Variants in TSHR observed in about 807,000 individuals in gnomAD.
TSHR encodes the protein thyrotropin receptor.
Under a neutral mutation model 64.1 loss-of-function variants are expected in TSHR, and 51 were observed. The observed-to-expected ratio is 0.80, with a 90% CI of 0.64 to 1.01. The LOEUF is 1.01. TSHR is among the 50% of genes least tolerant of loss of function. TSHR has a pLI of 0.00. For missense variants in TSHR, 877 were observed against 942.8 expected (o/e 0.93, Z 0.91); for synonymous variants, 361 against 361.9 (o/e 1.00, Z 0.03).
chr14:81,135,790 G>C (rs115045197), intron 8 of TSHR, among the ~76,000 whole-genome samples: 115 of 152,302 alleles, frequency 7.6e-4, no homozygotes, highest in African/African-American at 2.7e-3. Flanking sequence ...TAGATCCATA[G>C]AGAAGTACAG....
At chr14:81,114,627 G>A (rs760388239) in intron 8 of TSHR, among the ~76,000 whole-genome samples, 20 of 152,130 alleles carry the variant, frequency 1.3e-4, no homozygotes, top group African/African-American at 7.2e-5. Flanking sequence ...TTGCACAGGC[G>A]TGCTTAGGTA....
At chr14:81,133,134 C>T (rs1891318838) in intron 8 of TSHR, among the ~76,000 whole-genome samples, 1 of 152,138 alleles carries the variant, frequency 6.6e-6, no homozygotes. Flanking sequence ...GTGCTAAATA[C>T]AGTAGTGATT....
At chr14:81,030,702 T>C (rs145410056) in intron 1 of TSHR, among the ~76,000 whole-genome samples, 25 of 152,316 alleles carry the variant, frequency 1.6e-4, no homozygotes, top group African/African-American at 5.3e-4. Flanking sequence ...ACAGATGCAT[T>C]TGGACTTCTC....
chr14:80,981,410 C>A (rs1888163081), intron 1 of TSHR, among the ~76,000 whole-genome samples: 1 of 152,092 alleles, frequency 6.6e-6, no homozygotes, highest in African/African-American at 2.4e-5. Context: ...ATGGGGAAAG[C>A]AGTGGGAATC....
intron 1 of TSHR, among the ~76,000 whole-genome samples, chr14:80,960,613 G>A (rs112523801): frequency 1.3e-5 from 2 of 152,158 alleles, no homozygotes; most frequent in Non-Finnish European, 2.9e-5. Flanking sequence ...AGAATATATA[G>A]AGAGAGGGAA....
At chr14:81,127,200 G>T (rs1183265686) in intron 8 of TSHR, among the ~76,000 whole-genome samples, 1 of 152,144 alleles carries the variant, frequency 6.6e-6, no homozygotes, top group East Asian at 1.9e-4. Context: ...AATGTGGATG[G>T]GTACTAAATG....
intron 8 of TSHR, among the ~76,000 whole-genome samples, chr14:81,128,726 C>T (rs190548477): frequency 9.6e-4 from 146 of 152,242 alleles, no homozygotes; most frequent in African/African-American, 3.4e-3. Flanking sequence ...GTTTTCTCTG[C>T]CAGAGAGCCC....
chr14:80,992,227 C>T (rs1888767274), intron 1 of TSHR: 1 of 152,118 alleles, frequency 6.6e-6, no homozygotes, highest in African/African-American at 2.4e-5. Context: ...TGGTGAAACC[C>T]TGTCTCTACT....
rs75382066 is a variant in TSHR at position 81,103,218 on chromosome 14, G to C, written c.615-5157G>C. On this transcript the variant is annotated intron_variant, in intron 7 of 9. Transcript: ENST00000298171. The surrounding 1 kb of genome is among the most constrained non-coding windows in gnomAD (Gnocchi z 4.1). ...GTATTCACATTGTGTTTTTAACATA[G>C]GGATGTTGCTTTTGGTGTCAATGCT... 42,342 of 985,346 alleles carry C rather than the reference G, an allele frequency of 0.043. 1,017 individuals carry two copies. Among genetic ancestry groups the C allele is most frequent in the Non-Finnish European group, 0.047 (39,051 of 829,892 alleles). The allele number at this position is 985,346 out of a possible 1,614,324, so 61.0% of individuals were successfully genotyped here.
intron 1 of TSHR, among the ~76,000 whole-genome samples, chr14:80,970,065 G>A (rs1887518091): frequency 6.6e-6 from 1 of 152,122 alleles, no homozygotes; most frequent in East Asian, 1.9e-4. Context: ...CCCTTGAGTG[G>A]GGCTGTAATG....
intron 1 of TSHR, chr14:81,012,870 A>T (rs1889995816): frequency 6.6e-6 from 1 of 151,420 alleles, no homozygotes; most frequent in South Asian, 2.1e-4. Flanking sequence ...GGTTGCGAAA[A>T]TTTTCTCCCA....
chr14:81,022,106 C>CAAAAAAAAAAAAAAA, intron 1 of TSHR, among the ~76,000 whole-genome samples: 1 of 115,546 alleles, frequency 8.7e-6, no homozygotes, highest in African/African-American at 3.5e-5. Flanking sequence ...ACTAAAAATA[C>CAAAAAAAAAAAAAAA]AAAAAAAAAA....
chr14:80,955,768 G>T lies in TSHR; in HGVS notation c.88G>T (p.Glu30Ter). 3 of 1,614,182 alleles carry T rather than the reference G, an allele frequency of 1.9e-6. No individual in the cohort carries two copies. Among genetic ancestry groups the T allele is most frequent in the Non-Finnish European group, 2.5e-6 (3 of 1,180,032 alleles). ...GGMGCSSPPC[E>*]CHQEEDFRVT... ...AATGGGGTGTTCGTCTCCACCCTGC[G>T]AGTGCCATCAGGAGGAGGACTTCAG... is the stretch of plus-strand genomic sequence containing the variant. The change falls in exon 1 of 10, where the codon GAG (glutamate) becomes TAG (stop). Residue 30 changes from glutamate to a stop codon, truncating the protein, a stop_gained. Transcript: ENST00000298171. LOFTEE classifies it high-confidence loss of function.
chr14:80,990,937 G>A (rs189827552), intron 1 of TSHR, among the ~76,000 whole-genome samples: 2 of 152,314 alleles, frequency 1.3e-5, no homozygotes, highest in Non-Finnish European at 2.9e-5. Context: ...TTACAGGCAT[G>A]AGCCACTGCG....
At chr14:81,019,622 C>A (rs200065574) in intron 1 of TSHR, among the ~76,000 whole-genome samples, 11 of 151,898 alleles carry the variant, frequency 7.2e-5, no homozygotes, top group African/African-American at 2.4e-4. Flanking sequence ...CTCCCACCCC[C>A]CAACAGGCCC....
intron 1 of TSHR, among the ~76,000 whole-genome samples, chr14:81,028,456 A>G (rs1006058500): frequency 2.0e-5 from 3 of 152,128 alleles, no homozygotes; most frequent in Non-Finnish European, 2.9e-5. Context: ...AGAAAAAAAA[A>G]TCTATCAAGA....
At chr14:80,993,950 T>G (rs561786317) in intron 1 of TSHR, 63 of 152,240 alleles carry the variant, frequency 4.1e-4, no homozygotes, top group African/African-American at 1.4e-3. Flanking sequence ...TTTTTTTCAA[T>G]AAAAGTAACA....
chr14:81,009,026 C>A (rs1889768528), intron 1 of TSHR, among the ~76,000 whole-genome samples: 1 of 152,192 alleles, frequency 6.6e-6, no homozygotes, highest in Non-Finnish European at 1.5e-5. Context: ...AAAACACCCA[C>A]ATTTTTAAAG....
At chr14:81,088,649 T>C (rs1888472837) in intron 4 of TSHR, among the ~76,000 whole-genome samples, 1 of 152,206 alleles carries the variant, frequency 6.6e-6, no homozygotes, top group Non-Finnish European at 1.5e-5. Flanking sequence ...CTGTATGACC[T>C]CAGGCCCCCT....
Sources: gnomAD v4.1 joint callset for allele counts (sites outside exome capture counted in the v4.1 genomes callset) on GRCh38, gnomAD v4.1.1 for gene constraint, Gnocchi (gnomAD v3.1) non-coding constraint, MANE v1.5 for transcripts, NCBI Gene and HGNC (gene_info 2026-07-23, HGNC 2026-07-21) for gene names.